The following LARGE1 variants were observed in gnomAD, a reference collection of about 807,000 sequenced individuals.
LARGE1 encodes xylosyl- and glucuronyltransferase LARGE1.
Under a neutral mutation model 87.6 loss-of-function variants are expected in LARGE1, and 43 were observed. That is an observed-to-expected ratio of 0.49 (90% confidence interval 0.38 to 0.63). LARGE1 has a LOEUF of 0.63. Ranked by LOEUF, LARGE1 falls within the 30% of genes least tolerant of loss-of-function variation. The pLI is 0.00. For missense variants in LARGE1, 802 were observed against 1,000.2 expected, an observed-to-expected ratio of 0.80 and a Z score of 2.67; for synonymous variants, 434 against 394.6, an observed-to-expected ratio of 1.10 and a Z score of -1.18.
intron 1 of LARGE1, among the ~76,000 whole-genome samples, chr22:33,831,393 A>G (rs1189925002): frequency 6.6e-6 from 1 of 152,154 alleles, no homozygotes; most frequent in Non-Finnish European, 1.5e-5. Context: ...GTTCCTCCAG[A>G]ACACTCTGAA....
At chr22:33,444,344 ATTTCTGGGTTTTAAGTAG>A (rs2067604636) in intron 6 of LARGE1, among the ~76,000 whole-genome samples, 1 of 152,200 alleles carries the variant, frequency 6.6e-6, no homozygotes. Flanking sequence ...ATTACCAAAA[ATTTCTGGGTTTTAAGTAG>A]TTACTGCTTA....
intron 12 of LARGE1, among the ~76,000 whole-genome samples, chr22:33,295,186 G>C (rs1390786934): frequency 3.9e-5 from 6 of 152,162 alleles, no homozygotes; most frequent in Non-Finnish European, 8.8e-5. Context: ...TAAAGAGAAA[G>C]CAGAGGCCTG....
intron 1 of LARGE1, among the ~76,000 whole-genome samples, chr22:33,852,237 G>A (rs1231498043): frequency 6.6e-6 from 1 of 152,114 alleles, no homozygotes. Flanking sequence ...GTGAGCCAAC[G>A]TTGAAAGGTC....
At chr22:33,769,213 C>T (rs2084993823) in intron 1 of LARGE1, among the ~76,000 whole-genome samples, 1 of 152,184 alleles carries the variant, frequency 6.6e-6, no homozygotes, top group African/African-American at 2.4e-5. Context: ...TCATCAAAAA[C>T]TTCCCCCACA....
rs138294308 is a variant in LARGE1 at position 33,692,420 on chromosome 22, C to T, written c.107-41752G>A. Among the ~76,000 whole-genome samples, 637 of 152,310 alleles carry T rather than the reference C, an allele frequency of 4.2e-3. 4 individuals carry two copies. Among genetic ancestry groups the T allele is most frequent in the Non-Finnish European group, 6.0e-3 (411 of 68,034 alleles). The stretch of plus-strand genomic sequence containing the variant: ...CCACCTCCCAGGTTCAAGTGTTTCT[C>T]CTGCCTCAGTCTCCTGAGTAGATGG... On this transcript the variant is annotated intron_variant, in intron 2 of 14. Transcript: ENST00000397394.
At chr22:33,419,146 G>C (rs1171071662) in intron 7 of LARGE1, among the ~76,000 whole-genome samples, 1 of 152,074 alleles carries the variant, frequency 6.6e-6, no homozygotes, top group Non-Finnish European at 1.5e-5. Flanking sequence ...GCAGGCAAGA[G>C]AGAAGTCCAG....
intron 4 of LARGE1, among the ~76,000 whole-genome samples, chr22:33,612,212 T>A (rs2079452737): frequency 6.6e-6 from 1 of 151,054 alleles, no homozygotes. Flanking sequence ...CAAGCTATTC[T>A]CCTGCCTCAG....
the LARGE1 span, among the ~76,000 whole-genome samples, chr22:33,089,371 CCT>C: frequency 1.3e-5 from 1 of 76,048 alleles, no homozygotes; most frequent in Admixed American, 1.3e-4. Context: ...TTCTTCTTCT[CCT>C]TCTTCTTCTT....
intron 6 of LARGE1, among the ~76,000 whole-genome samples, chr22:33,512,846 A>G (rs2071119240): frequency 6.6e-6 from 1 of 152,166 alleles, no homozygotes; most frequent in African/African-American, 2.4e-5. Context: ...AGGTAGTAGG[A>G]GATGTATGAT....
intron 1 of LARGE1, among the ~76,000 whole-genome samples, chr22:33,763,974 C>G (rs372938770): frequency 6.7e-6 from 1 of 149,632 alleles, no homozygotes; most frequent in Non-Finnish European, 1.5e-5. Context: ...CTCAGCCTCC[C>G]GAGTAGCTGG....
At chr22:33,336,634 C>T (rs1938479114) in intron 10 of LARGE1, among the ~76,000 whole-genome samples, 1 of 152,190 alleles carries the variant, frequency 6.6e-6, no homozygotes, top group Admixed American at 6.5e-5. Flanking sequence ...TCCCCATGCC[C>T]TGCTTTTTCT....
Position 33,786,349 on chromosome 22 carries a change from A to G in LARGE1, c.-82-24791T>C, listed in dbSNP as rs137862719. On this transcript the variant is annotated intron_variant, in intron 1 of 14. Coordinates refer to ENST00000397394, the MANE Select transcript of LARGE1 (RefSeq NM_133642.5). ...AAATTGCTCCACCAGGAGCTATCAA[A>G]GTGAGATTCAATATTGCTACTCCCA... Among the ~76,000 whole-genome samples, 454 of 152,328 alleles carry G rather than the reference A, an allele frequency of 3.0e-3. 4 individuals are homozygous for G. The highest frequency in any genetic ancestry group is 0.01 in the African/African-American group (426 of 41,572).
rs1158756565 is a variant in LARGE1, at chr22:33,212,149, C to A, written c.1731-45317G>T. Among the ~76,000 whole-genome samples, 9 of 150,544 alleles carry A rather than the reference C, an allele frequency of 6.0e-5. 1 individual carries two copies. In the South Asian group the frequency reaches 1.7e-3, roughly 29 times the overall value. On this transcript the variant is annotated intron_variant, in intron 11 of 11. Transcript: ENST00000608642. ...GTGGCTCCACTAAACAACAGATTTT[C>A]AAGGTTAAAAAAAAAAAAGCCATCT...
chr22:33,486,558 C>T (rs1200856009), intron 6 of LARGE1, among the ~76,000 whole-genome samples: 2 of 151,816 alleles, frequency 1.3e-5, no homozygotes, highest in African/African-American at 4.8e-5. Flanking sequence ...AGAGCGCACA[C>T]CAGGGAAAGA....
chr22:33,284,273 C>T (rs61048601), intron 12 of LARGE1, among the ~76,000 whole-genome samples: 5,168 of 152,270 alleles, frequency 0.034, 293 homozygotes, highest in African/African-American at 0.12. Context: ...GAGAGAATCA[C>T]CAAACTGGGC....
At chr22:33,580,965 C>T (rs749022781) in intron 5 of LARGE1, among the ~76,000 whole-genome samples, 8 of 152,044 alleles carry the variant, frequency 5.3e-5, no homozygotes, top group Non-Finnish European at 8.8e-5. Context: ...GTTTGTAAGA[C>T]GTCCATCTTT....
At chr22:33,181,620 C>T (rs1923166352) in intron 11 of LARGE1, among the ~76,000 whole-genome samples, 1 of 151,868 alleles carries the variant, frequency 6.6e-6, no homozygotes, top group Non-Finnish European at 1.5e-5. Flanking sequence ...CCTCCGACTC[C>T]TGGGTTCATG....
intron 6 of LARGE1, among the ~76,000 whole-genome samples, chr22:33,550,208 T>C (rs1239925560): frequency 3.3e-5 from 5 of 151,684 alleles, no homozygotes; most frequent in African/African-American, 2.4e-5. Flanking sequence ...TATATATATA[T>C]AGAAGTTGTG....
At chr22:33,760,456 C>A (rs184529854) in intron 2 of LARGE1, among the ~76,000 whole-genome samples, 1 of 152,160 alleles carries the variant, frequency 6.6e-6, no homozygotes, top group Admixed American at 6.5e-5. Flanking sequence ...CAGCCCAGGT[C>A]TGACAGCTCC....
Sources: allele counts gnomAD v4.1 joint callset (sites outside exome capture counted in the v4.1 genomes callset), GRCh38; gene constraint gnomAD v4.1.1; transcripts MANE v1.5; gene names NCBI Gene and HGNC (gene_info 2026-07-23, HGNC 2026-07-21).